MACROD2: variants seen among roughly 807,000 people sequenced by gnomAD.
The protein encoded by MACROD2 is ADP-ribose glycohydrolase MACROD2.
Under a neutral mutation model 70.4 loss-of-function variants are expected in MACROD2, and 36 were observed. That is an observed-to-expected ratio of 0.51 (90% CI 0.39 to 0.68). The LOEUF (loss-of-function observed/expected upper bound fraction) is 0.68. Ranked by LOEUF, MACROD2 falls within the 30% of genes least tolerant of loss-of-function variation. The pLI is 0.00. For missense variants in MACROD2, 496 were observed against 538.4 expected, an observed-to-expected ratio of 0.92 and a Z score of 0.78; for synonymous variants, 172 against 178.8, an observed-to-expected ratio of 0.96 and a Z score of 0.30.
intron 8 of MACROD2, among the ~76,000 whole-genome samples, chr20:15,602,561 A>G: frequency 6.6e-6 from 1 of 152,188 alleles, no homozygotes. Context: ...ACACACAGAG[A>G]CCTAGTGAGT....
At chr20:14,643,689 G>T (rs1255988673) in intron 4 of MACROD2, among the ~76,000 whole-genome samples, 1 of 152,170 alleles carries the variant, frequency 6.6e-6, no homozygotes, top group African/African-American at 2.4e-5. Flanking sequence ...ACCAGTGTTT[G>T]CATGTTAGAT....
In MACROD2 at chr20:14,508,885, T is replaced by C. The variant is rs184312978; in HGVS notation, c.301+15377T>C. Among the ~76,000 whole-genome samples, 983 of 152,244 alleles carry C rather than the reference T, an allele frequency of 6.5e-3. 17 individuals are homozygous for C. The highest frequency in any genetic ancestry group is 0.022 in the African/African-American group (922 of 41,558). On this transcript the variant is annotated intron_variant, in intron 4 of 17. Coordinates refer to ENST00000684519, the MANE Select transcript of MACROD2 (RefSeq NM_001351661.2). ...ATCCATGTAGCCACCTATTTATCCA[T>C]CTACCAATCCATCCTTTTTGCTTAT...
chr20:14,337,451 T>C (rs1167066432), intron 3 of MACROD2: 1 of 394,828 alleles, frequency 2.5e-6, no homozygotes, highest in Non-Finnish European at 4.5e-6. Context: ...GCTATAGCTG[T>C]AATTCCATTG....
chr20:15,917,111 G>A (rs531236021), intron 10 of MACROD2, among the ~76,000 whole-genome samples: 1 of 152,154 alleles, frequency 6.6e-6, no homozygotes, highest in Non-Finnish European at 1.5e-5. Context: ...GGTGCTTGTC[G>A]TGTCCTTGGA....
chr20:15,525,990 AAG>A (rs1251652911), intron 8 of MACROD2, among the ~76,000 whole-genome samples: 1 of 152,184 alleles, frequency 6.6e-6, no homozygotes, highest in East Asian at 1.9e-4. Context: ...ATAAAATAAA[AAG>A]ATGTTTTATT....
At chr20:15,083,771 G>A (rs2075723353) in intron 5 of MACROD2, among the ~76,000 whole-genome samples, 1 of 152,030 alleles carries the variant, frequency 6.6e-6, no homozygotes, top group African/African-American at 2.4e-5. Flanking sequence ...CATCATGGGT[G>A]GCTAGAGGAG....
At chr20:15,543,199 G>A (rs996026963) in intron 8 of MACROD2, among the ~76,000 whole-genome samples, 3 of 152,144 alleles carry the variant, frequency 2.0e-5, no homozygotes, top group Non-Finnish European at 2.9e-5. Context: ...GTTTTGGTTT[G>A]AGTCCACTAA....
At chr20:15,333,749 G>A (rs976144174) in intron 6 of MACROD2, among the ~76,000 whole-genome samples, 15 of 151,506 alleles carry the variant, frequency 9.9e-5, no homozygotes, top group Non-Finnish European at 1.8e-4. Flanking sequence ...AGTATGACAC[G>A]ATGTTCAATA....
chr20:14,403,970 G>A (rs1036660525), intron 3 of MACROD2, among the ~76,000 whole-genome samples: 1 of 152,052 alleles, frequency 6.6e-6, no homozygotes, highest in Non-Finnish European at 1.5e-5. Flanking sequence ...AATTAGGGGA[G>A]TTGAAAATAA....
intron 8 of MACROD2, among the ~76,000 whole-genome samples, chr20:15,614,345 C>T (rs1413899330): frequency 6.6e-6 from 1 of 152,162 alleles, no homozygotes; most frequent in Non-Finnish European, 1.5e-5. Flanking sequence ...TAACCAGTTC[C>T]CCTGGTTACT....
At chr20:15,479,398 A>G (rs967521316) in intron 7 of MACROD2, among the ~76,000 whole-genome samples, 2 of 145,352 alleles carry the variant, frequency 1.4e-5, no homozygotes, top group Non-Finnish European at 3.0e-5. Context: ...TCAGCCTCCC[A>G]AGTAGCTGGG....
chr20:14,822,501 C>T (rs759018118), intron 5 of MACROD2, among the ~76,000 whole-genome samples: 1 of 152,012 alleles, frequency 6.6e-6, no homozygotes, highest in South Asian at 2.1e-4. Flanking sequence ...TATGGCTTGG[C>T]GTTACAAGGT....
chr20:15,630,166 T>G (rs2049267676), intron 8 of MACROD2, among the ~76,000 whole-genome samples: 1 of 152,192 alleles, frequency 6.6e-6, no homozygotes, highest in African/African-American at 2.4e-5. Context: ...TGAGTTAGTG[T>G]ATATGAAGTA....
At chr20:15,670,957 TAAAG>T (rs1357754075) in intron 8 of MACROD2, among the ~76,000 whole-genome samples, 2 of 152,178 alleles carry the variant, frequency 1.3e-5, no homozygotes, top group Non-Finnish European at 2.9e-5. Flanking sequence ...TGTTTTATGA[TAAAG>T]AAAAATGTAT....
rs191804947 is a variant in MACROD2, at chr20:14,125,635, T to C, written c.271+39907T>C. Among the ~76,000 whole-genome samples, 20 of 152,314 alleles carry C rather than the reference T, an allele frequency of 1.3e-4. No homozygotes were observed. The East Asian group carries it at 3.9e-3, about 29-fold the overall frequency. ...ATACTCTATACATGCATGTACATAT[T>C]TGTGAAATAGGGTCATTTTGCATAT... On this transcript the variant is annotated intron_variant, in intron 3 of 17. Transcript: ENST00000684519.
chr20:14,897,419 TAAAG>T (rs1263483585), intron 5 of MACROD2, among the ~76,000 whole-genome samples: 1 of 152,094 alleles, frequency 6.6e-6, no homozygotes, highest in Non-Finnish European at 1.5e-5. Context: ...TTTGGTGAAA[TAAAG>T]AAACATAAAT....
intron 5 of MACROD2, among the ~76,000 whole-genome samples, chr20:14,816,415 G>T (rs1332103452): frequency 6.6e-6 from 1 of 152,006 alleles, no homozygotes; most frequent in Non-Finnish European, 1.5e-5. Flanking sequence ...CAAGGGCCCA[G>T]ATCCATGAAG....
chr20:15,466,524 G>A (rs2046891546), intron 7 of MACROD2, among the ~76,000 whole-genome samples: 1 of 152,154 alleles, frequency 6.6e-6, no homozygotes, highest in African/African-American at 2.4e-5. Flanking sequence ...GAATTGTTAA[G>A]CTCCTCACAC....
chr20:14,944,461 T>A (rs2074414038), intron 5 of MACROD2, among the ~76,000 whole-genome samples: 1 of 152,162 alleles, frequency 6.6e-6, no homozygotes, highest in African/African-American at 2.4e-5. Flanking sequence ...AGTGGAATTA[T>A]CCCCAATGAT....
Sources: gnomAD v4.1 joint callset for allele counts (sites outside exome capture counted in the v4.1 genomes callset) on GRCh38, gnomAD v4.1.1 for gene constraint, MANE v1.5 for transcripts, NCBI Gene and HGNC (gene_info 2026-07-23, HGNC 2026-07-21) for gene names.